The following RPH3A variants were observed in gnomAD, a reference collection of about 807,000 sequenced individuals.
RPH3A encodes rabphilin-3A.
A neutral mutation model predicts 102.2 loss-of-function variants in RPH3A; 48 were observed. That is an observed-to-expected ratio of 0.47 (90% CI 0.37 to 0.60). The LOEUF is 0.60. RPH3A is among the 20% of genes least tolerant of loss of function. RPH3A has a pLI of 0.00. For synonymous variants in RPH3A, 310 were observed against 324.3 expected (o/e 0.96, Z 0.47); for missense variants, 781 against 910.1 (o/e 0.86, Z 1.83).
chr12:112,859,234 A>G (rs573548350), intron 5 of RPH3A, among the ~76,000 whole-genome samples: 2 of 152,352 alleles, frequency 1.3e-5, no homozygotes, highest in Non-Finnish European at 2.9e-5. Context: ...AATGCTGCAC[A>G]TGAGAGGAAA....
intron 2 of RPH3A, among the ~76,000 whole-genome samples, chr12:112,800,503 G>A (rs73427017): frequency 0.013 from 1,954 of 152,226 alleles, 48 homozygotes; most frequent in African/African-American, 0.045. Context: ...TTTGCAGGGA[G>A]CGTTTTATGC....
At chr12:112,619,158 A>G (rs1040017401) in intron 1 of RPH3A, among the ~76,000 whole-genome samples, 1 of 151,882 alleles carries the variant, frequency 6.6e-6, no homozygotes, top group African/African-American at 2.4e-5. Context: ...AATGCTGCTG[A>G]TAACATTGGT....
chr12:112,881,631 T>G, intron 14 of RPH3A, 141 bp from the exon 15 acceptor site: 1 of 566,364 alleles, frequency 1.8e-6, no homozygotes, highest in Non-Finnish European at 3.1e-6. Context: ...ATACTGCATT[T>G]CCCTTCTCTC....
chr12:112,833,023 G>A lies in RPH3A; in HGVS notation c.72-3468G>A, dbSNP rs149580572. On this transcript the variant is annotated intron_variant, in intron 3 of 21. Transcript: ENST00000389385. Reference sequence around the variant, plus strand: ...ACAATCTTGGCTCGCTGCAACCTTCGCCTCCCAGGTTCAAGCGATTCTTTT... The same window carrying A: ...ACAATCTTGGCTCGCTGCAACCTTCACCTCCCAGGTTCAAGCGATTCTTTT... Among the ~76,000 whole-genome samples, 350 of 141,238 alleles carry A rather than the reference G, an allele frequency of 2.5e-3. 2 individuals are homozygous for A. Among genetic ancestry groups the A allele is most frequent in the African/African-American group, 8.7e-3 (331 of 37,830 alleles). The allele number at this position is 141,238 out of a possible 152,430, so 92.7% of individuals were successfully genotyped here.
At chr12:112,717,826 G>A (rs557277645) in intron 1 of RPH3A, among the ~76,000 whole-genome samples, 38 of 151,924 alleles carry the variant, frequency 2.5e-4, no homozygotes, top group African/African-American at 8.7e-4. Context: ...GTTTTCCATG[G>A]TGGGTGTACC....
intron 2 of RPH3A, among the ~76,000 whole-genome samples, chr12:112,816,096 C>A (rs1366279139): frequency 2.0e-5 from 3 of 152,168 alleles, no homozygotes; most frequent in African/African-American, 7.2e-5. Flanking sequence ...AAGGTCAATC[C>A]TGGATGCTCT....
intron 5 of RPH3A, among the ~76,000 whole-genome samples, chr12:112,853,574 A>C (rs1256453425): frequency 6.6e-6 from 1 of 152,204 alleles, no homozygotes; most frequent in Admixed American, 6.5e-5. Flanking sequence ...CATGCCTGTA[A>C]TCCCAGCACT....
intron 18 of RPH3A, among the ~76,000 whole-genome samples, chr12:112,890,383 G>A (rs2043073079): frequency 6.6e-6 from 1 of 152,214 alleles, no homozygotes; most frequent in African/African-American, 2.4e-5. Context: ...TCTTGGAGTA[G>A]ATGCATTCTT....
chr12:112,868,759 A>C, intron 8 of RPH3A, 164 bp downstream of exon 8: 1 of 695,342 alleles, frequency 1.4e-6, no homozygotes, highest in Non-Finnish European at 2.3e-6. Flanking sequence ...AGTTCACCAT[A>C]AATCGTTACC....
chr12:112,892,061 C>T (rs2043106294), intron 19 of RPH3A, among the ~76,000 whole-genome samples: 1 of 152,182 alleles, frequency 6.6e-6, no homozygotes, highest in Non-Finnish European at 1.5e-5. Flanking sequence ...AGAAAGCAAA[C>T]AGAATCGAGC....
chr12:112,688,766 A>G (rs2040286242), intron 1 of RPH3A, among the ~76,000 whole-genome samples: 1 of 152,240 alleles, frequency 6.6e-6, no homozygotes, highest in Non-Finnish European at 1.5e-5. Flanking sequence ...ATTAGGAGGT[A>G]TGTCAAAGAA....
Position 112,609,916 on chromosome 12 carries a change from G to A in RPH3A, c.-140+34597G>A, listed in dbSNP as rs147514768. ...CTCCCAAAGCATGCCTTGAACCACT[G>A]GAATAGTTGTTCCACTTTTGCAGCC... On this transcript the variant is annotated intron_variant, in intron 1 of 21. Transcript: ENST00000543106. Among the ~76,000 whole-genome samples the A allele has an allele frequency of 7.0e-4, 107 of 152,288 alleles. 3 individuals carry two copies. Among genetic ancestry groups the A allele is most frequent in the Middle Eastern group, 3.4e-3 (1 of 294 alleles).
At chr12:112,763,606 CAA>C (rs1436630165) in intron 1 of RPH3A, among the ~76,000 whole-genome samples, 1 of 152,106 alleles carries the variant, frequency 6.6e-6, no homozygotes, top group African/African-American at 2.4e-5. Context: ...TGTGGAGACC[CAA>C]GTTTTATTAT....
intron 1 of RPH3A, among the ~76,000 whole-genome samples, chr12:112,712,984 G>T (rs57588350): frequency 0.019 from 1,129 of 59,742 alleles, 91 homozygotes; most frequent in South Asian, 0.051. Context: ...TTTCTTCTTC[G>T]TCGTCTTTGT....
chr12:112,836,175 T>C (rs1361302137), intron 3 of RPH3A, among the ~76,000 whole-genome samples: 1 of 152,232 alleles, frequency 6.6e-6, no homozygotes, highest in Non-Finnish European at 1.5e-5. Context: ...AGAATGATGA[T>C]GGCCATGAGA....
chr12:112,699,214 C>G lies in RPH3A; in HGVS notation c.-139-92929C>G, dbSNP rs368640264. 2.6e-5 allele frequency among the ~76,000 whole-genome samples: 4 copies of G among 152,202 alleles called. No individual in the cohort carries two copies. In the East Asian group the frequency reaches 7.7e-4, roughly 29 times the overall value. Reference sequence around the variant, plus strand: ...GGGCTTACAGGCAAGAGCCACTGTGCCCAGCCTGAATAGTTTCTTTTAAGG... The same window carrying G: ...GGGCTTACAGGCAAGAGCCACTGTGGCCAGCCTGAATAGTTTCTTTTAAGG... On this transcript the variant is annotated intron_variant, in intron 1 of 21. Transcript: ENST00000543106.
At chr12:112,880,197 T>C (rs1439348484) in intron 14 of RPH3A, among the ~76,000 whole-genome samples, 1 of 152,232 alleles carries the variant, frequency 6.6e-6, no homozygotes, top group Non-Finnish European at 1.5e-5. Context: ...ATCTATTATG[T>C]ATCAGCATTT....
At chr12:112,603,285 A>G (rs2039571331) in intron 1 of RPH3A, among the ~76,000 whole-genome samples, 1 of 152,208 alleles carries the variant, frequency 6.6e-6, no homozygotes, top group African/African-American at 2.4e-5. Context: ...GAGTCCCATT[A>G]GTAGCAAAAG....
chr12:112,863,608 C>T (rs2042557984), intron 5 of RPH3A, among the ~76,000 whole-genome samples: 1 of 152,140 alleles, frequency 6.6e-6, no homozygotes, highest in African/African-American at 2.4e-5. Flanking sequence ...CGTGAGCCAC[C>T]ATGCCCAGTT....
Sources: gnomAD v4.1 joint callset for allele counts (sites outside exome capture counted in the v4.1 genomes callset) on GRCh38, gnomAD v4.1.1 for gene constraint, MANE v1.5 for transcripts, NCBI Gene and HGNC (gene_info 2026-07-23, HGNC 2026-07-21) for gene names.